HTR1F: variants seen among roughly 807,000 people sequenced by gnomAD.
HTR1F encodes the protein 5-hydroxytryptamine (serotonin) receptor 1F, G protein-coupled.
A neutral mutation model predicts 24.0 loss-of-function variants in HTR1F; 17 were observed. The observed-to-expected ratio is 0.71, with a 90% CI of 0.48 to 1.06. HTR1F has a LOEUF of 1.06. Among genes scored for constraint, HTR1F ranks in the 50% least tolerant of loss-of-function variants. The probability of loss-of-function intolerance (pLI) is 0.00; values close to 1 mark genes in which losing one functional copy is unlikely to be tolerated. For missense variants in HTR1F, 391 were observed against 427.8 expected (o/e 0.91, Z 0.76); for synonymous variants, 186 against 156.8 (o/e 1.19, Z -1.39).
intron 2 of HTR1F, among the ~76,000 whole-genome samples, chr3:87,851,395 A>G (rs778735396): frequency 4.6e-4 from 70 of 151,694 alleles, no homozygotes; most frequent in Non-Finnish European, 9.6e-4. Flanking sequence ...TTAAACTTTC[A>G]TTCAATCTGA....
At chr3:87,921,634 A>C (rs76375631) in intron 2 of HTR1F, among the ~76,000 whole-genome samples, 4,984 of 151,976 alleles carry the variant, frequency 0.033, 249 homozygotes, top group African/African-American at 0.11. Flanking sequence ...AGTAATTGTT[A>C]ACTATCATCA....
intron 1 of HTR1F, among the ~76,000 whole-genome samples, chr3:87,806,558 C>G (rs1033595489): frequency 6.6e-6 from 1 of 151,664 alleles, no homozygotes; most frequent in East Asian, 1.9e-4. Context: ...GATATTAGTC[C>G]CTTGTCAGAT....
At chr3:87,839,843 T>G (rs1285351236) in intron 2 of HTR1F, among the ~76,000 whole-genome samples, 1 of 152,180 alleles carries the variant, frequency 6.6e-6, no homozygotes, top group Non-Finnish European at 1.5e-5. Context: ...CACTTGTAAG[T>G]GGAAACATGC....
intron 2 of HTR1F, among the ~76,000 whole-genome samples, chr3:87,946,294 C>T (rs1231605222): frequency 2.6e-5 from 4 of 152,060 alleles, no homozygotes; most frequent in Non-Finnish European, 4.4e-5. Context: ...ATAACAAACA[C>T]GGACCAGAAG....
At chr3:87,957,814 A>G (rs1244639982) in intron 2 of HTR1F, among the ~76,000 whole-genome samples, 1 of 151,390 alleles carries the variant, frequency 6.6e-6, no homozygotes, top group Non-Finnish European at 1.5e-5. Flanking sequence ...ATTAAAAGTA[A>G]TTAAAATTAA....
intron 2 of HTR1F, among the ~76,000 whole-genome samples, chr3:87,877,980 G>T (rs1705707848): frequency 6.6e-6 from 1 of 152,048 alleles, no homozygotes; most frequent in Non-Finnish European, 1.5e-5. Flanking sequence ...TATTATTTAA[G>T]TTCTTCTAAA....
intron 2 of HTR1F, among the ~76,000 whole-genome samples, chr3:87,934,657 C>A (rs770797691): frequency 3.3e-5 from 5 of 152,128 alleles, no homozygotes; most frequent in Non-Finnish European, 7.4e-5. Flanking sequence ...CCCAAGATGA[C>A]TTCAACAATC....
rs140599264 is a variant in HTR1F, at chr3:87,796,092, A to G, written c.-160+3250A>G. On this transcript the variant is annotated intron_variant, in intron 1 of 2. Transcript: ENST00000319595. ...GGAGAGTTTCTGTTGGAAGACAAGA[A>G]GGGAAGCAAGAAGGCTGTCAGGCAG... is the stretch of plus-strand genomic sequence containing the variant. Among the ~76,000 whole-genome samples, 661 of 152,286 alleles carry G rather than the reference A, an allele frequency of 4.3e-3. 6 individuals are homozygous for G. The highest frequency in any genetic ancestry group is 0.014 in the African/African-American group (594 of 41,550).
intron 2 of HTR1F, among the ~76,000 whole-genome samples, chr3:87,909,828 C>T (rs533020693): frequency 9.6e-4 from 146 of 152,028 alleles, no homozygotes; most frequent in African/African-American, 3.5e-3. Flanking sequence ...GATGCTCCAG[C>T]CATTACACTG....
chr3:87,920,901 T>C (rs1447235657), intron 2 of HTR1F, among the ~76,000 whole-genome samples: 1 of 152,004 alleles, frequency 6.6e-6, no homozygotes, highest in Non-Finnish European at 1.5e-5. Context: ...AAATATACTT[T>C]TTCTAACTAA....
At chr3:87,978,202 GT>G (rs1215268219) in intron 2 of HTR1F, among the ~76,000 whole-genome samples, 7 of 152,128 alleles carry the variant, frequency 4.6e-5, no homozygotes, top group African/African-American at 1.7e-4. Flanking sequence ...CACTCAGAAG[GT>G]TGAAGACTCC....
chr3:87,825,012 T>C (rs138220066), intron 2 of HTR1F, among the ~76,000 whole-genome samples: 1 of 152,320 alleles, frequency 6.6e-6, no homozygotes, highest in African/African-American at 2.4e-5. Flanking sequence ...GACTTGATAA[T>C]AGTGATTATA....
At chr3:87,895,939 T>C (rs1444148136) in intron 2 of HTR1F, among the ~76,000 whole-genome samples, 1 of 152,152 alleles carries the variant, frequency 6.6e-6, no homozygotes, top group Non-Finnish European at 1.5e-5. Flanking sequence ...TGATTTATAG[T>C]AGTAATGAAT....
chr3:87,866,809 A>AGTGC (rs1465802970), intron 2 of HTR1F, among the ~76,000 whole-genome samples: 17 of 128,442 alleles, frequency 1.3e-4, no homozygotes, highest in African/African-American at 6.0e-4. Context: ...CATGGGCACA[A>AGTGC]GTGTGCGTGC....
intron 1 of HTR1F, among the ~76,000 whole-genome samples, chr3:87,813,996 C>G (rs1319630590): frequency 6.6e-6 from 1 of 152,040 alleles, no homozygotes; most frequent in Non-Finnish European, 1.5e-5. Flanking sequence ...ACTAAAACAC[C>G]AGAAAGCCAT....
intron 2 of HTR1F, among the ~76,000 whole-genome samples, chr3:87,844,284 G>A (rs1165675701): frequency 5.3e-5 from 8 of 150,928 alleles, no homozygotes; most frequent in Non-Finnish European, 8.8e-5. Flanking sequence ...GCCAGTGATG[G>A]TGAGCATTTT....
intron 1 of HTR1F, among the ~76,000 whole-genome samples, chr3:87,802,246 T>C (rs1704005840): frequency 1.1e-5 from 1 of 93,158 alleles, no homozygotes; most frequent in Non-Finnish European, 1.9e-5. Flanking sequence ...CCTTCCTTCC[T>C]TCCTTCCTTC....
chr3:87,927,763 A>G (rs774488692), intron 2 of HTR1F, among the ~76,000 whole-genome samples: 13 of 152,298 alleles, frequency 8.5e-5, no homozygotes, highest in Non-Finnish European at 1.8e-4. Context: ...CTACCTGTAC[A>G]AAGCATAGTG....
rs879341137 is a variant in HTR1F, at chr3:87,873,129, CACACAG to C, written c.-43+51007_-43+51012del. 3.7e-3 allele frequency among the ~76,000 whole-genome samples: 415 copies of C among 111,902 alleles called. 3 individuals are homozygous for C. The highest frequency in any genetic ancestry group is 0.014 in the Middle Eastern group (3 of 210). 73.4% of individuals were successfully genotyped at this position (111,902 alleles called of 152,430 possible). A position where few individuals can be genotyped will look rare whatever the true frequency, so the allele number is the denominator to read the frequency against. ...ACACACACACACACACACACACACACACACAGAGAGATTTATGAGATTTATTATAAG... is the reference window on the plus strand; with the variant it reads ...ACACACACACACACACACACACACACAGAGATTTATGAGATTTATTATAAG... On this transcript the variant is annotated intron_variant, in intron 2 of 2. Coordinates refer to ENST00000319595, the MANE Select transcript of HTR1F (RefSeq NM_001322209.2).
Sources: allele counts gnomAD v4.1 joint callset (sites outside exome capture counted in the v4.1 genomes callset), GRCh38; gene constraint gnomAD v4.1.1; transcripts MANE v1.5; gene names NCBI Gene and HGNC (gene_info 2026-07-23, HGNC 2026-07-21).